Variants in SLC24A2 observed in about 807,000 individuals in gnomAD.
The protein encoded by SLC24A2 is sodium/potassium/calcium exchanger 2.
In SLC24A2, 36 loss-of-function variants were observed where a neutral mutation model predicts 62.0. The observed-to-expected ratio is 0.58, with a 90% CI of 0.44 to 0.77. SLC24A2 has a LOEUF of 0.77. SLC24A2 is among the 30% of genes least tolerant of loss of function. SLC24A2 has a pLI of 0.00. For missense variants in SLC24A2, 846 were observed against 817.9 expected (o/e 1.03, Z -0.42); for synonymous variants, 358 against 294.0 (o/e 1.22, Z -2.23).
At chr9:20,292,502 T>C in the SLC24A2 span, among the ~76,000 whole-genome samples, 3 of 152,200 alleles carry the variant, frequency 2.0e-5, no homozygotes, top group African/African-American at 7.2e-5. Flanking sequence ...AACATACTGA[T>C]TCTCCCTTAG....
chr9:19,595,037 T>A (rs1385041687), intron 5 of SLC24A2, among the ~76,000 whole-genome samples: 1 of 152,234 alleles, frequency 6.6e-6, no homozygotes, highest in Non-Finnish European at 1.5e-5. Flanking sequence ...TTTAGAAAAT[T>A]TAAAAATCTT....
At chr9:19,978,114 A>G in the SLC24A2 span, among the ~76,000 whole-genome samples, 1 of 152,180 alleles carries the variant, frequency 6.6e-6, no homozygotes, top group Middle Eastern at 3.4e-3. Context: ...GATTTTCTAT[A>G]CTCTTGAATT....
chr9:20,159,130 C>G, the SLC24A2 span, among the ~76,000 whole-genome samples: 1 of 151,494 alleles, frequency 6.6e-6, no homozygotes, highest in African/African-American at 2.4e-5. Context: ...AGATTTATAC[C>G]AAGGCAAGCT....
At chr9:20,248,824 G>A in the SLC24A2 span, among the ~76,000 whole-genome samples, 3 of 152,130 alleles carry the variant, frequency 2.0e-5, no homozygotes, top group East Asian at 1.9e-4. Flanking sequence ...TTACTTCTCC[G>A]GGGCACCCAC....
chr9:20,130,838 A>C, the SLC24A2 span, among the ~76,000 whole-genome samples: 1 of 152,078 alleles, frequency 6.6e-6, no homozygotes, highest in Non-Finnish European at 1.5e-5. Context: ...GGAATGGTGA[A>C]GGTGGAAAAA....
Position 19,779,786 on chromosome 9 carries a change from G to A in SLC24A2, c.930+6151C>T, listed in dbSNP as rs190012028. Among the ~76,000 whole-genome samples, 1,519 of 152,348 alleles carry A rather than the reference G, an allele frequency of 1.0e-2. 12 individuals are homozygous for A. Among genetic ancestry groups the A allele is most frequent in the Non-Finnish European group, 0.017 (1,142 of 68,038 alleles). On this transcript the variant is annotated intron_variant, in intron 2 of 10. Coordinates refer to ENST00000341998, the MANE Select transcript of SLC24A2 (RefSeq NM_020344.4). ...TTACAAAACATCAAGGTAGGCGGGC[G>A]CGGTGGCTCACGCCTGTAATCCGAG...
the SLC24A2 span, among the ~76,000 whole-genome samples, chr9:20,192,566 C>A: frequency 6.6e-6 from 1 of 152,008 alleles, no homozygotes; most frequent in Non-Finnish European, 1.5e-5. Context: ...CCAGATAGAG[C>A]CCTGGAATGT....
chr9:19,815,186 C>T, the SLC24A2 span, among the ~76,000 whole-genome samples: 1 of 152,024 alleles, frequency 6.6e-6, no homozygotes, highest in Non-Finnish European at 1.5e-5. Context: ...TCTCTTGGTA[C>T]CCAATTCAAT....
the SLC24A2 span, among the ~76,000 whole-genome samples, chr9:20,005,396 G>C: frequency 6.6e-6 from 1 of 152,134 alleles, no homozygotes; most frequent in Non-Finnish European, 1.5e-5. Flanking sequence ...ATATTGTGCT[G>C]AGGACTTTAC....
the SLC24A2 span, among the ~76,000 whole-genome samples, chr9:20,264,211 C>T: frequency 6.6e-6 from 1 of 152,202 alleles, no homozygotes; most frequent in African/African-American, 2.4e-5. Context: ...CTGACACAAC[C>T]TCTCTGCACC....
the SLC24A2 span, among the ~76,000 whole-genome samples, chr9:20,105,195 A>T: frequency 1.9e-4 from 28 of 146,356 alleles, no homozygotes; most frequent in South Asian, 4.4e-4. Context: ...CAGATTCATA[A>T]AGCAAGTCCT....
At chr9:19,581,024 A>C (rs1836190491) in intron 5 of SLC24A2, among the ~76,000 whole-genome samples, 1 of 152,160 alleles carries the variant, frequency 6.6e-6, no homozygotes, top group Admixed American at 6.5e-5. Flanking sequence ...GAACTCTGTA[A>C]GTTAGAGGAA....
chr9:20,091,358 C>A, the SLC24A2 span, among the ~76,000 whole-genome samples: 71 of 152,132 alleles, frequency 4.7e-4, no homozygotes, highest in South Asian at 1.0e-3. Context: ...TACAGGGAAC[C>A]CCTTGCAAGA....
At chr9:20,092,943 T>A in the SLC24A2 span, among the ~76,000 whole-genome samples, 49 of 152,330 alleles carry the variant, frequency 3.2e-4, no homozygotes, top group African/African-American at 1.2e-3. Flanking sequence ...TGGCAAATAG[T>A]TTCTTTTTTA....
chr9:19,673,444 C>CGTGT lies in SLC24A2; in HGVS notation c.931-51149_931-51146dup, dbSNP rs58616827. ...GTTCTTGTGTGTGTATGTGTGTGTG[C>CGTGT]GTGTGTGTGTGTGTGTGTGTTTGAG... On this transcript the variant is annotated intron_variant, in intron 2 of 10. Transcript: ENST00000341998. Among the ~76,000 whole-genome samples, 192 of 129,546 alleles carry CGTGT rather than the reference C, an allele frequency of 1.5e-3. 12 individuals carry two copies. Among genetic ancestry groups the CGTGT allele is most frequent in the African/African-American group, 2.3e-3 (64 of 28,234 alleles). 85.0% of individuals were successfully genotyped at this position (129,546 alleles called of 152,430 possible).
chr9:19,558,526 CTG>C (rs767338448), intron 7 of SLC24A2, among the ~76,000 whole-genome samples: 1 of 152,176 alleles, frequency 6.6e-6, no homozygotes, highest in African/African-American at 2.4e-5. Context: ...ATTCCCATAA[CTG>C]TGGATAATCT....
the SLC24A2 span, among the ~76,000 whole-genome samples, chr9:19,974,617 A>G: frequency 6.6e-6 from 1 of 152,292 alleles, no homozygotes; most frequent in South Asian, 2.1e-4. Context: ...TTTAGGCAAC[A>G]TTGGAAACAA....
the SLC24A2 span, among the ~76,000 whole-genome samples, chr9:19,808,437 A>G: frequency 6.6e-6 from 1 of 152,202 alleles, no homozygotes; most frequent in African/African-American, 2.4e-5. This position sits in a 1 kb window ranked among gnomAD's most constrained non-coding sequence, Gnocchi z 4.1. Context: ...CAAGTTTAAG[A>G]ACAAGAGTTT....
chr9:19,597,389 G>T, intron 4 of SLC24A2, 110 bp from the exon 5 acceptor site: 1 of 808,056 alleles, frequency 1.2e-6, no homozygotes, highest in Non-Finnish European at 2.2e-6. Context: ...GTCAAATTTT[G>T]CAATCGTAAC....
Sources: gnomAD v4.1 joint callset for allele counts (sites outside exome capture counted in the v4.1 genomes callset) on GRCh38, gnomAD v4.1.1 for gene constraint, Gnocchi (gnomAD v3.1) non-coding constraint, MANE v1.5 for transcripts, NCBI Gene and HGNC (gene_info 2026-07-23, HGNC 2026-07-21) for gene names.